Variants in PRKCE observed in about 807,000 individuals in gnomAD.
PRKCE encodes protein kinase C epsilon.
A neutral mutation model predicts 85.4 loss-of-function variants in PRKCE; 16 were observed. The ratio of observed to expected loss-of-function variants is 0.19; its 90% CI spans 0.13 to 0.28. The LOEUF is 0.28. Ranked by LOEUF, PRKCE falls within the 10% of genes least tolerant of loss-of-function variation. The pLI is 1.00. For synonymous variants in PRKCE, 388 were observed against 371.5 expected (o/e 1.04, Z -0.51); for missense variants, 573 against 975.2 (o/e 0.59, Z 5.49).
At chr2:45,753,988 A>G (rs1473322221) in intron 1 of PRKCE, among the ~76,000 whole-genome samples, 1 of 152,210 alleles carries the variant, frequency 6.6e-6, no homozygotes, top group Non-Finnish European at 1.5e-5. Context: ...TTGCTCAAAA[A>G]GGTCTTTGCA....
At chr2:45,902,198 T>C (rs188859810) in intron 2 of PRKCE, among the ~76,000 whole-genome samples, 209 of 152,268 alleles carry the variant, frequency 1.4e-3, no homozygotes, top group African/African-American at 4.7e-3. Flanking sequence ...AAGGCGACTT[T>C]GGGATTCATC....
chr2:45,796,230 A>G (rs1687425218), intron 1 of PRKCE, among the ~76,000 whole-genome samples: 1 of 152,186 alleles, frequency 6.6e-6, no homozygotes, highest in Non-Finnish European at 1.5e-5. Context: ...TCGTTTGTAT[A>G]ACGTAGTAAT....
chr2:46,123,214 C>CTTTTTTTTTTATTTTTTTTTTTT (rs1673501953), intron 11 of PRKCE, among the ~76,000 whole-genome samples: 1 of 27,352 alleles, frequency 3.7e-5, no homozygotes, highest in Non-Finnish European at 6.6e-5. Context: ...AAACACTTGC[C>CTTTTTTTTTTATTTTTTTTTTTT]TTTTTTTTTT....
At chr2:46,054,228 G>C (rs79418840) in intron 10 of PRKCE, among the ~76,000 whole-genome samples, 1 of 152,142 alleles carries the variant, frequency 6.6e-6, no homozygotes, top group Admixed American at 6.5e-5. Context: ...AGAAAATGGA[G>C]GCAAAAAGTT....
At chr2:45,770,820 C>T (rs1156410071) in intron 1 of PRKCE, 1 of 151,940 alleles carries the variant, frequency 6.6e-6, no homozygotes, top group Admixed American at 6.6e-5. Context: ...ACAATGAGCT[C>T]CTTAACCAAG....
intron 2 of PRKCE, among the ~76,000 whole-genome samples, chr2:45,852,267 A>C (rs1363288355): frequency 6.6e-6 from 1 of 152,198 alleles, no homozygotes; most frequent in African/African-American, 2.4e-5. Context: ...CAAAGGGAGA[A>C]ATGTTCTCTG....
chr2:46,114,519 G>A (rs1168575116), intron 11 of PRKCE, among the ~76,000 whole-genome samples: 2 of 136,340 alleles, frequency 1.5e-5, no homozygotes, highest in Non-Finnish European at 1.5e-5. Context: ...CCAGGTTCAC[G>A]CCATTCTCCC....
At chr2:46,010,952 T>C in intron 10 of PRKCE, 2 of 1,404,250 alleles carry the variant, frequency 1.4e-6, no homozygotes, top group Non-Finnish European at 1.8e-6. Flanking sequence ...AAATAAAGGA[T>C]GTGAACAAAT....
At chr2:45,887,793 T>C (rs1253305268) in intron 2 of PRKCE, among the ~76,000 whole-genome samples, 1 of 152,234 alleles carries the variant, frequency 6.6e-6, no homozygotes. Context: ...TCTTGGACTT[T>C]GCTTGCTGAG....
At chr2:45,744,879 G>A (rs1365143047) in intron 1 of PRKCE, among the ~76,000 whole-genome samples, 1 of 152,192 alleles carries the variant, frequency 6.6e-6, no homozygotes, top group African/African-American at 2.4e-5. Flanking sequence ...AAAGTGCTGG[G>A]ATTATAGGCG....
rs1407778752 is a variant in PRKCE, at chr2:45,729,337, C to G, written c.348+76889C>G. On this transcript the variant is annotated intron_variant, in intron 1 of 14. Coordinates refer to ENST00000306156, the MANE Select transcript of PRKCE (RefSeq NM_005400.3). ...AAGGTGCCATGAAAGCCATCCTCAGCTCAAGCCTGTGTCTTCTTAGCAGGG... is the reference window on the plus strand; with the variant it reads ...AAGGTGCCATGAAAGCCATCCTCAGGTCAAGCCTGTGTCTTCTTAGCAGGG... Among the ~76,000 whole-genome samples, 4 of 152,296 alleles carry G rather than the reference C, an allele frequency of 2.6e-5. 1 individual carries two copies. The East Asian group carries it at 7.7e-4, about 29-fold the overall frequency.
At chr2:46,114,638 C>G (rs1165155323) in intron 11 of PRKCE, among the ~76,000 whole-genome samples, 3 of 151,354 alleles carry the variant, frequency 2.0e-5, no homozygotes, top group Non-Finnish European at 4.4e-5. Flanking sequence ...CCAGGATGGT[C>G]TCGATCTCCT....
At chr2:45,746,988 C>A (rs576103642) in intron 1 of PRKCE, among the ~76,000 whole-genome samples, 1 of 152,270 alleles carries the variant, frequency 6.6e-6, no homozygotes, top group South Asian at 2.1e-4. Flanking sequence ...AGTGTCCCAC[C>A]ACTGTGCAAC....
At chr2:45,867,737 G>T (rs1303210268) in intron 2 of PRKCE, among the ~76,000 whole-genome samples, 1 of 152,182 alleles carries the variant, frequency 6.6e-6, no homozygotes, top group African/African-American at 2.4e-5. Context: ...TGGAGTGTGT[G>T]TGTGTGCACG....
chr2:46,158,674 C>A (rs562838857), intron 13 of PRKCE, among the ~76,000 whole-genome samples: 1 of 152,304 alleles, frequency 6.6e-6, no homozygotes, highest in East Asian at 1.9e-4. Flanking sequence ...TCAAGTTCCT[C>A]TGTTTAGATA....
intron 11 of PRKCE, among the ~76,000 whole-genome samples, chr2:46,124,189 G>C (rs1385479437): frequency 1.3e-5 from 2 of 152,116 alleles, no homozygotes; most frequent in Non-Finnish European, 2.9e-5. Context: ...GCCAGGTGTG[G>C]TGGTGCATGC....
chr2:45,692,474 C>A (rs368096229), intron 1 of PRKCE, among the ~76,000 whole-genome samples: 21 of 152,272 alleles, frequency 1.4e-4, no homozygotes, highest in East Asian at 7.7e-4. Flanking sequence ...TTAGGGCCCA[C>A]CCTAATGACC....
At chr2:46,136,080 T>C (rs1343457095) in intron 11 of PRKCE, among the ~76,000 whole-genome samples, 1 of 152,136 alleles carries the variant, frequency 6.6e-6, no homozygotes, top group African/African-American at 2.4e-5. Flanking sequence ...CTTCATAATC[T>C]CCCTCGAGGG....
At chr2:46,067,485 C>T (rs548326493) in intron 10 of PRKCE, among the ~76,000 whole-genome samples, 4 of 152,184 alleles carry the variant, frequency 2.6e-5, no homozygotes, top group Non-Finnish European at 5.9e-5. Flanking sequence ...GGCCTTTGCT[C>T]CCTGCAGTCT....
Sources: allele counts gnomAD v4.1 joint callset (sites outside exome capture counted in the v4.1 genomes callset), GRCh38; gene constraint gnomAD v4.1.1; transcripts MANE v1.5; gene names NCBI Gene and HGNC (gene_info 2026-07-23, HGNC 2026-07-21).